The following WWOX variants were observed in gnomAD, a reference collection of about 807,000 sequenced individuals.
WWOX encodes WW domain-containing oxidoreductase.
Under a neutral mutation model 46.2 loss-of-function variants are expected in WWOX, and 69 were observed. That is an observed-to-expected ratio of 1.49 (90% confidence interval 1.23 to 1.82). The LOEUF is 1.82. WWOX is among the 40% of genes most tolerant of loss of function. WWOX has a pLI of 0.00. For synonymous variants in WWOX, 359 were observed against 202.6 expected, an observed-to-expected ratio of 1.77 and a Z score of -6.56; for missense variants, 919 against 542.6, an observed-to-expected ratio of 1.69 and a Z score of -6.89.
At chr16:79,131,125 G>C (rs1487106138) in intron 8 of WWOX, among the ~76,000 whole-genome samples, 6 of 152,112 alleles carry the variant, frequency 3.9e-5, no homozygotes, top group Non-Finnish European at 8.8e-5. Flanking sequence ...ACTCCATGCT[G>C]CCCCTGCCTC....
At chr16:78,325,759 C>T (rs932069121) in intron 5 of WWOX, among the ~76,000 whole-genome samples, 10 of 152,196 alleles carry the variant, frequency 6.6e-5, no homozygotes, top group Admixed American at 3.3e-4. Context: ...ATTAGCCTTG[C>T]AGGCAAGGAA....
rs1055387740 is a variant in WWOX, at chr16:78,341,754, G to A, written c.517-45106G>A. Among the ~76,000 whole-genome samples the A allele has an allele frequency of 1.7e-5, 2 of 120,576 alleles. 1 individual carries two copies. The highest frequency in any genetic ancestry group is 4.0e-5 in the Non-Finnish European group (2 of 50,416). The allele number at this position is 120,576 out of a possible 152,430, so 79.1% of individuals were successfully genotyped here. A position where few individuals can be genotyped will look rare whatever the true frequency, so the allele number is the denominator to read the frequency against. ...GCAGGTCAGTGTTGCTGAGGGATGT[G>A]GACATGTCTGAGGCCAAATAGATGA... On this transcript the variant is annotated intron_variant, in intron 5 of 8. Transcript: ENST00000566780.
chr16:78,228,468 A>G (rs1364845413), intron 5 of WWOX, among the ~76,000 whole-genome samples: 2 of 151,158 alleles, frequency 1.3e-5, no homozygotes, highest in Non-Finnish European at 2.9e-5. Flanking sequence ...CAGCCTCCTG[A>G]GCAGCTGGGA....
chr16:79,078,503 T>C lies in WWOX; in HGVS notation c.1057-133105T>C, dbSNP rs73572928. On this transcript the variant is annotated intron_variant, in intron 8 of 8. Coordinates refer to ENST00000566780, the MANE Select transcript of WWOX (RefSeq NM_016373.4). ...CACGCAACATTTCTCTCTGTAGGTG[T>C]CCTCTGCACACTGTCCAAACTCCAT... is the stretch of plus-strand genomic sequence containing the variant. Among the ~76,000 whole-genome samples the C allele has an allele frequency of 3.5e-3, 526 of 152,282 alleles. 3 individuals carry two copies. The highest frequency in any genetic ancestry group is 0.012 in the African/African-American group (482 of 41,550).
intron 8 of WWOX, among the ~76,000 whole-genome samples, chr16:78,684,093 G>A (rs922891998): frequency 2.0e-5 from 3 of 152,068 alleles, no homozygotes; most frequent in South Asian, 4.2e-4. Context: ...GCTCATGGCC[G>A]TGCAGTTCAA....
intron 8 of WWOX, among the ~76,000 whole-genome samples, chr16:78,711,816 C>G (rs947116370): frequency 6.6e-6 from 1 of 152,266 alleles, no homozygotes; most frequent in East Asian, 1.9e-4. Context: ...ACACACTCTC[C>G]CACTGTAAAT....
intron 8 of WWOX, among the ~76,000 whole-genome samples, chr16:78,577,434 G>A (rs765290978): frequency 3.9e-4 from 59 of 152,098 alleles, no homozygotes; most frequent in South Asian, 4.2e-4. Context: ...CCCTGACCAC[G>A]AGCAAATCAT....
chr16:79,069,968 A>G (rs1476928171), intron 8 of WWOX, among the ~76,000 whole-genome samples: 3 of 152,242 alleles, frequency 2.0e-5, no homozygotes, highest in African/African-American at 7.2e-5. Flanking sequence ...GTTCAAGGCA[A>G]CCAATTAGTA....
intron 8 of WWOX, among the ~76,000 whole-genome samples, chr16:79,133,261 T>A (rs2049917483): frequency 6.6e-6 from 1 of 152,224 alleles, no homozygotes; most frequent in Non-Finnish European, 1.5e-5. Context: ...TCTTCTGACC[T>A]TCCCCTTCAG....
At chr16:79,020,480 G>A (rs1481881676) in intron 8 of WWOX, among the ~76,000 whole-genome samples, 1 of 152,166 alleles carries the variant, frequency 6.6e-6, no homozygotes, top group Non-Finnish European at 1.5e-5. Context: ...CTGTCCCAGG[G>A]GAGTTAGGAG....
intron 8 of WWOX, among the ~76,000 whole-genome samples, chr16:78,915,227 T>C (rs2045219787): frequency 6.6e-6 from 1 of 152,158 alleles, no homozygotes; most frequent in South Asian, 2.1e-4. Flanking sequence ...ATTTGGGTTG[T>C]ACCGATTAAG....
intron 4 of WWOX, chr16:78,123,252 C>G (rs1390622925): frequency 1.3e-5 from 2 of 151,900 alleles, no homozygotes; most frequent in African/African-American, 4.8e-5. Context: ...CAGGGAGCAG[C>G]CTGTTCTGCC....
chr16:78,281,143 G>A (rs1050240114), intron 5 of WWOX: 1 of 152,148 alleles, frequency 6.6e-6, no homozygotes, highest in African/African-American at 2.4e-5. Context: ...GCGATCTCAG[G>A]GTAAACACTG....
chr16:78,370,150 A>AAAAG (rs60021979), intron 5 of WWOX, among the ~76,000 whole-genome samples: 1 of 149,766 alleles, frequency 6.7e-6, no homozygotes, highest in Non-Finnish European at 1.5e-5. Context: ...AAAAAAAAAA[A>AAAAG]GGGCATGGAT....
In WWOX at chr16:78,338,392, A is replaced by G. The variant is rs1412819107; in HGVS notation, c.517-48468A>G. Among the ~76,000 whole-genome samples, 2 of 120,896 alleles carry G rather than the reference A, an allele frequency of 1.7e-5. 1 individual carries two copies. Among genetic ancestry groups the G allele is most frequent in the Non-Finnish European group, 3.9e-5 (2 of 50,670 alleles). 79.3% of individuals were successfully genotyped at this position (120,896 alleles called of 152,430 possible). A position where few individuals can be genotyped will look rare whatever the true frequency, so the allele number is the denominator to read the frequency against. On this transcript the variant is annotated intron_variant, in intron 5 of 8. Transcript: ENST00000566780. ...GTTTTCCCCAGTTGTAAAGTGTGCA[A>G]TATTATCCTTGCAAAATTGTCTGTT...
chr16:78,603,728 A>T (rs940876949), intron 8 of WWOX, among the ~76,000 whole-genome samples: 2 of 152,248 alleles, frequency 1.3e-5, no homozygotes, highest in Admixed American at 6.5e-5. Context: ...AATAAAAAAT[A>T]TGTCCTGTAA....
intron 8 of WWOX, among the ~76,000 whole-genome samples, chr16:78,508,209 C>A (rs1454758158): frequency 6.6e-6 from 1 of 151,602 alleles, no homozygotes; most frequent in African/African-American, 2.4e-5. Context: ...CAGGGTTTCG[C>A]CATGTTGGCC....
intron 6 of WWOX, among the ~76,000 whole-genome samples, chr16:78,419,164 T>C (rs2082866975): frequency 1.3e-5 from 2 of 152,172 alleles, no homozygotes; most frequent in African/African-American, 4.8e-5. Context: ...AATGAAGGCA[T>C]CCCATGTTCA....
intron 4 of WWOX, among the ~76,000 whole-genome samples, chr16:78,130,934 C>A (rs1315305791): frequency 1.3e-5 from 2 of 152,178 alleles, no homozygotes; most frequent in Non-Finnish European, 2.9e-5. Context: ...ACTTACAAAT[C>A]CTACGTGGTA....
Sources: gnomAD v4.1 joint callset for allele counts (sites outside exome capture counted in the v4.1 genomes callset) on GRCh38, gnomAD v4.1.1 for gene constraint, MANE v1.5 for transcripts, NCBI Gene and HGNC (gene_info 2026-07-23, HGNC 2026-07-21) for gene names.